Variants in PLAAT3 observed in about 807,000 individuals in gnomAD.
PLAAT3 encodes the protein phospholipase A and acyltransferase 3.
Under a neutral mutation model 16.7 loss-of-function variants are expected in PLAAT3, and 21 were observed. The observed-to-expected ratio is 1.26, with a 90% confidence interval of 0.89 to 1.81. The LOEUF (loss-of-function observed/expected upper bound fraction) is 1.81. Ranked by LOEUF, PLAAT3 falls within the 40% of genes most tolerant of loss-of-function variation. The probability of loss-of-function intolerance (pLI) is 0.00; values close to 1 mark genes in which losing one functional copy is unlikely to be tolerated. For synonymous variants in PLAAT3, 76 were observed against 81.7 expected, an observed-to-expected ratio of 0.93 and a Z score of 0.38; for missense variants, 219 against 213.7, an observed-to-expected ratio of 1.02 and a Z score of -0.16.
intron 2 of PLAAT3, among the ~76,000 whole-genome samples, chr11:63,602,823 C>G (rs1432661852): frequency 6.6e-6 from 1 of 151,984 alleles, no homozygotes; most frequent in Non-Finnish European, 1.5e-5. Context: ...CCAGGCGCAG[C>G]GGCTCATGCC....
chr11:63,575,059 A>G lies in PLAAT3; in HGVS notation c.388-13T>C, dbSNP rs756221835. ...TGACATCTCTGACCTGCAACAAAGA[A>G]GAGGGTGGGTCACACTCTGTGTCAG... On this transcript the variant is annotated splice_polypyrimidine_tract_variant and intron_variant, in intron 4 of 4. Coordinates refer to ENST00000415826, the MANE Select transcript of PLAAT3 (RefSeq NM_001128203.2). 22 of 1,570,208 alleles carry G rather than the reference A, an allele frequency of 1.4e-5. No individual in the cohort carries two copies. The highest frequency in any genetic ancestry group is 1.8e-5 in the Non-Finnish European group (20 of 1,140,212).
chr11:63,596,079 A>C (rs1196746641), intron 3 of PLAAT3, among the ~76,000 whole-genome samples: 1 of 151,902 alleles, frequency 6.6e-6, no homozygotes, highest in African/African-American at 2.4e-5. Context: ...GTCTCTACTA[A>C]AAATACAAAA....
chr11:63,603,543 G>A (rs1233552208), intron 2 of PLAAT3, among the ~76,000 whole-genome samples: 1 of 151,846 alleles, frequency 6.6e-6, no homozygotes, highest in African/African-American at 2.4e-5. Context: ...TAATGGGGTT[G>A]ATCTGTGCAG....
At chr11:63,586,674 T>G (rs1937987163) in intron 4 of PLAAT3, among the ~76,000 whole-genome samples, 1 of 152,142 alleles carries the variant, frequency 6.6e-6, no homozygotes, top group Non-Finnish European at 1.5e-5. Flanking sequence ...ATGATGAAAC[T>G]CAATTTGTTA....
At chr11:63,578,155 C>T (rs549994923) in intron 4 of PLAAT3, among the ~76,000 whole-genome samples, 13 of 151,832 alleles carry the variant, frequency 8.6e-5, no homozygotes, top group South Asian at 4.2e-4. Flanking sequence ...TGGTGGTGCG[C>T]GCCTGTAATC....
At chr11:63,598,600 T>C in intron 2 of PLAAT3, 1 of 451,094 alleles carries the variant, frequency 2.2e-6, no homozygotes, top group Non-Finnish European at 4.4e-6. Context: ...CAAAGACATA[T>C]AACTCATGAG....
At chr11:63,603,706 AC>A (rs1938488378) in intron 2 of PLAAT3, among the ~76,000 whole-genome samples, 1 of 1,376 alleles carries the variant, frequency 7.3e-4, no homozygotes, top group East Asian at 0.033. Flanking sequence ...ATTATCCTAC[AC>A]ACACACACAC....
At chr11:63,606,490 A>G (rs891647133) in intron 2 of PLAAT3, among the ~76,000 whole-genome samples, 3 of 151,600 alleles carry the variant, frequency 2.0e-5, no homozygotes, top group Non-Finnish European at 4.4e-5. Flanking sequence ...ATAATCTAGA[A>G]TATGAGAAGA....
chr11:63,583,123 C>T (rs191262522), intron 4 of PLAAT3, among the ~76,000 whole-genome samples: 148 of 151,924 alleles, frequency 9.7e-4, no homozygotes, highest in African/African-American at 3.4e-3. Flanking sequence ...GAGTGAGACA[C>T]CATCTCAAAA....
At chr11:63,613,416 A>C in intron 2 of PLAAT3, among the ~76,000 whole-genome samples, 1 of 146,120 alleles carries the variant, frequency 6.8e-6, no homozygotes, top group East Asian at 2.1e-4. Flanking sequence ...GTCTCAAAAA[A>C]TAAAAATAAA....
At chr11:63,610,077 G>A (rs1938656699) in intron 2 of PLAAT3, among the ~76,000 whole-genome samples, 3 of 152,178 alleles carry the variant, frequency 2.0e-5, no homozygotes, top group Non-Finnish European at 4.4e-5. Context: ...CCAGGATTCC[G>A]CAGCAGATCT....
chr11:63,576,574 G>A (rs1216800385), intron 4 of PLAAT3, among the ~76,000 whole-genome samples: 1 of 152,238 alleles, frequency 6.6e-6, no homozygotes, highest in Non-Finnish European at 1.5e-5. Context: ...AGTGAGCAAA[G>A]ACTGCGCCAT....
rs79138728 is a variant in PLAAT3, at chr11:63,609,482, G to A, written c.15+4518C>T. Among the ~76,000 whole-genome samples the A allele has an allele frequency of 6.3e-3, 959 of 152,342 alleles. 12 individuals carry two copies. The highest frequency in any genetic ancestry group is 0.022 in the African/African-American group (923 of 41,578). On this transcript the variant is annotated intron_variant, in intron 2 of 4. Transcript: ENST00000415826. ...GAACTTCTCTGGTAAACAGGGCTAA[G>A]ACCCATCTGGCAGGGTTTGTGTAAA...
Position 63,598,054 on chromosome 11 carries a change from T to C in PLAAT3, c.118+7A>G. On this transcript the variant is annotated splice_region_variant and intron_variant, in intron 3 of 4. Transcript: ENST00000415826. Reference sequence around the variant, plus strand: ...CCCATCACAGTGGAGGTCCCATGTGTTCTTACTTGGAGGGGCCAGATGAAC... The same window carrying C: ...CCCATCACAGTGGAGGTCCCATGTGCTCTTACTTGGAGGGGCCAGATGAAC... 1 of 1,594,384 alleles carries C rather than the reference T, an allele frequency of 6.3e-7. No homozygotes were observed. The highest frequency in any genetic ancestry group is 8.6e-7 in the Non-Finnish European group (1 of 1,162,032).
chr11:63,606,749 C>G (rs1938576753), intron 2 of PLAAT3, among the ~76,000 whole-genome samples: 2 of 152,136 alleles, frequency 1.3e-5, no homozygotes, highest in Admixed American at 1.3e-4. Flanking sequence ...AGGAGGCCAA[C>G]GAGGCCGGAG....
chr11:63,592,567 G>A (rs995937464), intron 3 of PLAAT3, among the ~76,000 whole-genome samples: 2 of 152,188 alleles, frequency 1.3e-5, no homozygotes, highest in Non-Finnish European at 1.5e-5. Flanking sequence ...ATCCATCAGC[G>A]ACTGAATTTT....
chr11:63,585,639 G>A (rs112056588), intron 4 of PLAAT3, among the ~76,000 whole-genome samples: 69 of 152,234 alleles, frequency 4.5e-4, no homozygotes, highest in African/African-American at 1.6e-3. Flanking sequence ...CAGTAGAGAT[G>A]GCACCTCTGT....
At chr11:63,602,549 G>A (rs1320897669) in intron 2 of PLAAT3, among the ~76,000 whole-genome samples, 3 of 150,668 alleles carry the variant, frequency 2.0e-5, no homozygotes, top group Admixed American at 6.6e-5. Flanking sequence ...ACCTCTGCCT[G>A]CAAGAGGTCT....
intron 4 of PLAAT3, among the ~76,000 whole-genome samples, chr11:63,586,143 T>C (rs1489085202): frequency 6.6e-6 from 1 of 152,124 alleles, no homozygotes; most frequent in Non-Finnish European, 1.5e-5. Flanking sequence ...CACGTGTATG[T>C]GTGTGTTTGA....
Sources: gnomAD v4.1 joint callset for allele counts (sites outside exome capture counted in the v4.1 genomes callset) on GRCh38, gnomAD v4.1.1 for gene constraint, MANE v1.5 for transcripts, NCBI Gene and HGNC (gene_info 2026-07-23, HGNC 2026-07-21) for gene names.